Variants in PPFIBP1 observed in about 807,000 individuals in gnomAD.
PPFIBP1 encodes liprin-beta-1.
A neutral mutation model predicts 137.8 loss-of-function variants in PPFIBP1; 112 were observed. The observed-to-expected ratio is 0.81, with a 90% confidence interval of 0.70 to 0.95. The LOEUF (loss-of-function observed/expected upper bound fraction) is 0.95. Ranked by LOEUF, PPFIBP1 falls within the 40% of genes least tolerant of loss-of-function variation. The pLI is 0.00. For missense variants in PPFIBP1, 1,083 were observed against 1,196.6 expected (o/e 0.91, Z 1.40); for synonymous variants, 378 against 417.3 (o/e 0.91, Z 1.15).
intron 15 of PPFIBP1, among the ~76,000 whole-genome samples, chr12:27,673,067 G>A (rs1244152778): frequency 6.6e-6 from 1 of 152,144 alleles, no homozygotes. Context: ...GTTTGTAAAT[G>A]TGCATATTTA....
intron 24 of PPFIBP1, among the ~76,000 whole-genome samples, chr12:27,685,280 C>CAT (rs1203156223): frequency 2.1e-5 from 3 of 145,536 alleles, no homozygotes; most frequent in African/African-American, 7.4e-5. Context: ...TGTGTGTATC[C>CAT]ATATACACAC....
intron 2 of PPFIBP1, among the ~76,000 whole-genome samples, chr12:27,603,013 C>T (rs2054156701): frequency 6.6e-6 from 1 of 152,176 alleles, no homozygotes; most frequent in Non-Finnish European, 1.5e-5. Flanking sequence ...GCCAAACATA[C>T]AGCCTTTCTT....
chr12:27,651,140 TAAC>T (rs2058852580), intron 7 of PPFIBP1, among the ~76,000 whole-genome samples: 3 of 152,240 alleles, frequency 2.0e-5, no homozygotes, highest in Admixed American at 2.0e-4. Flanking sequence ...ATATTGGAAA[TAAC>T]AAGTTTTACT....
chr12:27,641,041 A>G (rs2058078383), intron 4 of PPFIBP1, among the ~76,000 whole-genome samples: 1 of 152,218 alleles, frequency 6.6e-6, no homozygotes, highest in Non-Finnish European at 1.5e-5. Context: ...AGACTGCGTG[A>G]CAATTTTAAT....
intron 2 of PPFIBP1, among the ~76,000 whole-genome samples, chr12:27,616,942 G>C (rs919880605): frequency 1.3e-5 from 2 of 152,214 alleles, no homozygotes; most frequent in Non-Finnish European, 1.5e-5. Flanking sequence ...TGGATAAAAG[G>C]ATTCTTGAGT....
rs188344792 is a variant in PPFIBP1 at position 27,597,008 on chromosome 12, C to G, written c.-36+18769C>G. On this transcript the variant is annotated intron_variant, in intron 2 of 29. Transcript: ENST00000228425. ...TGGAAGATTCCTGGGGGAATTGATC[C>G]AGGCCGAAATAAACCCATGTTCTGG... Among the ~76,000 whole-genome samples the G allele has an allele frequency of 2.0e-4, 30 of 152,254 alleles. No individual in the cohort carries two copies. The East Asian group carries it at 4.6e-3, about 24-fold the overall frequency.
chr12:27,605,945 A>T (rs1346599637), intron 2 of PPFIBP1, among the ~76,000 whole-genome samples: 1 of 152,244 alleles, frequency 6.6e-6, no homozygotes, highest in Admixed American at 6.5e-5. Flanking sequence ...TTAAGATCGT[A>T]CATTAGAATC....
intron 4 of PPFIBP1, among the ~76,000 whole-genome samples, chr12:27,639,140 A>G (rs1373064819): frequency 6.6e-6 from 1 of 152,228 alleles, no homozygotes; most frequent in Non-Finnish European, 1.5e-5. Context: ...ATCTATAAGA[A>G]TGAATTTATT....
intron 16 of PPFIBP1, 97 bp from the exon 17 acceptor site, chr12:27,674,095 A>G (rs2060359652): frequency 1.0e-6 from 1 of 984,578 alleles, no homozygotes; most frequent in Non-Finnish European, 1.5e-6. Flanking sequence ...AGAAGTAGAT[A>G]TAAAATTATT....
At chr12:27,638,302 A>G (rs1479918885) in intron 4 of PPFIBP1, among the ~76,000 whole-genome samples, 4 of 152,212 alleles carry the variant, frequency 2.6e-5, no homozygotes, top group Non-Finnish European at 5.9e-5. Context: ...TTCCCCCTTC[A>G]TATTGAACAT....
chr12:27,556,143 G>A (rs2048685621), intron 1 of PPFIBP1, among the ~76,000 whole-genome samples: 1 of 152,144 alleles, frequency 6.6e-6, no homozygotes, highest in African/African-American at 2.4e-5. Context: ...TTCAAAATCT[G>A]CTGGAGAAAT....
At chr12:27,681,845 C>A (rs2140376108) in intron 22 of PPFIBP1, 149 bp downstream of exon 22, 1 of 822,124 alleles carries the variant, frequency 1.2e-6, no homozygotes, top group Non-Finnish European at 1.8e-6. Flanking sequence ...CTTCATGCTT[C>A]TTTTTTCTGG....
chr12:27,542,288 ATG>A (rs1945757350), intron 1 of PPFIBP1, among the ~76,000 whole-genome samples: 1 of 152,218 alleles, frequency 6.6e-6, no homozygotes, highest in African/African-American at 2.4e-5. Flanking sequence ...GAATGGGAAG[ATG>A]TGTGTAGGTT....
Position 27,667,312 on chromosome 12 carries a change from C to T in PPFIBP1, c.1138C>T (p.Pro380Ser), listed in dbSNP as rs749363001. The T allele has an allele frequency of 6.3e-7, 1 of 1,599,060 alleles. No individual in the cohort carries two copies. Among genetic ancestry groups the T allele is most frequent in the Non-Finnish European group, 8.5e-7 (1 of 1,175,090 alleles). Residue 380 changes from proline (P) to serine (S), a missense_variant, in exon 13 of 30, where the codon CCC becomes TCC. By Grantham distance (74) the Pro-to-Ser change is moderately conservative. Transcript: ENST00000228425. The stretch of plus-strand genomic sequence containing the variant: ...TTGTGACCCATTTAACACAAGTGTT[C>T]CCGAAGAGGTATTAATAGACTTTCA... ...PSCDPFNTSV[P>S]EEFHTTILQV... is the part of the protein sequence containing the mutation.
chr12:27,532,504 C>T (rs1000091028), intron 1 of PPFIBP1, among the ~76,000 whole-genome samples: 3 of 150,322 alleles, frequency 2.0e-5, no homozygotes, highest in South Asian at 2.1e-4. Context: ...TTACATTACT[C>T]GAGAAATACA....
intron 2 of PPFIBP1, among the ~76,000 whole-genome samples, chr12:27,626,558 T>C (rs1484245592): frequency 6.6e-6 from 1 of 151,898 alleles, no homozygotes; most frequent in Non-Finnish European, 1.5e-5. Flanking sequence ...GGGTGGGGTC[T>C]AGGGATTTGC....
intron 2 of PPFIBP1, among the ~76,000 whole-genome samples, chr12:27,619,263 A>G (rs910532085): frequency 1.3e-5 from 2 of 152,212 alleles, no homozygotes; most frequent in African/African-American, 4.8e-5. Context: ...CCTCCTGTAT[A>G]CTTTAAATCA....
At chr12:27,669,870 A>G (rs1283880878) in intron 13 of PPFIBP1, among the ~76,000 whole-genome samples, 5 of 152,248 alleles carry the variant, frequency 3.3e-5, no homozygotes, top group African/African-American at 4.8e-5. Flanking sequence ...TTCCCGGTCC[A>G]GTACATTCTC....
At chr12:27,572,868 A>G (rs1225350378) in intron 1 of PPFIBP1, among the ~76,000 whole-genome samples, 2 of 152,142 alleles carry the variant, frequency 1.3e-5, no homozygotes, top group Non-Finnish European at 2.9e-5. Context: ...TTTAATGTCT[A>G]TTTATTTTAT....
Sources: allele counts gnomAD v4.1 joint callset (sites outside exome capture counted in the v4.1 genomes callset), GRCh38; gene constraint gnomAD v4.1.1; transcripts MANE v1.5; gene names NCBI Gene and HGNC (gene_info 2026-07-23, HGNC 2026-07-21).